Variants in FRMPD4 observed in about 807,000 individuals in gnomAD.
FRMPD4 encodes FERM and PDZ domain-containing protein 4.
A neutral mutation model predicts 94.1 loss-of-function variants in FRMPD4; 22 were observed. That is an observed-to-expected ratio of 0.23 (90% CI 0.17 to 0.33). The LOEUF is 0.33. Among genes scored for constraint, FRMPD4 ranks in the 10% least tolerant of loss-of-function variants. The pLI, the probability that FRMPD4 is intolerant of heterozygous loss-of-function variation, is 1.00. For missense variants in FRMPD4, 1,111 were observed against 1,339.9 expected, an observed-to-expected ratio of 0.83 and a Z score of 2.67; for synonymous variants, 631 against 548.6, an observed-to-expected ratio of 1.15 and a Z score of -2.10.
chrX:12,661,205 G>A (rs1032905309), intron 4 of FRMPD4, among the ~76,000 whole-genome samples: 2 of 112,331 alleles, frequency 1.8e-5, no homozygotes, highest in African/African-American at 6.5e-5. Flanking sequence ...ATATTAGAAG[G>A]TGTGTTACTT....
intron 2 of FRMPD4, among the ~76,000 whole-genome samples, chrX:12,544,268 G>C (rs1375476120): frequency 9.0e-6 from 1 of 110,885 alleles, no homozygotes; most frequent in Admixed American, 9.6e-5. Context: ...AAAAATTATG[G>C]TGCAACAAAA....
intron 1 of FRMPD4, among the ~76,000 whole-genome samples, chrX:12,158,032 A>G (rs1179071284): frequency 8.9e-6 from 1 of 112,201 alleles, no homozygotes; most frequent in Non-Finnish European, 1.9e-5. Context: ...AAGGAGGGGG[A>G]AAAAGGAAAC....
chrX:12,303,535 G>T (rs2054891554), intron 1 of FRMPD4, among the ~76,000 whole-genome samples: 3 of 111,757 alleles, frequency 2.7e-5, no homozygotes, highest in African/African-American at 9.7e-5. Context: ...TAGTATATTT[G>T]ATGACTATGA....
At chrX:12,010,947 A>G (rs2147414198) in intron 3 of FRMPD4, among the ~76,000 whole-genome samples, 1 of 112,219 alleles carries the variant, frequency 8.9e-6, no homozygotes, top group South Asian at 3.7e-4. Flanking sequence ...TATTTGAGAA[A>G]GAGCAAGCAA....
intron 2 of FRMPD4, among the ~76,000 whole-genome samples, chrX:12,546,838 A>T (rs1253790834): frequency 9.2e-6 from 1 of 108,309 alleles, no homozygotes; most frequent in Non-Finnish European, 1.9e-5. Flanking sequence ...CCTGGCACTG[A>T]CCGTGTCCTC....
chrX:12,000,703 G>T (rs750716082), intron 3 of FRMPD4, among the ~76,000 whole-genome samples: 1 of 111,336 alleles, frequency 9.0e-6, no homozygotes, highest in African/African-American at 3.3e-5. Context: ...CACCCCAGAA[G>T]GTCTTTCCAA....
chrX:12,193,367 A>C (rs1041562196), intron 1 of FRMPD4, among the ~76,000 whole-genome samples: 1 of 110,932 alleles, frequency 9.0e-6, no homozygotes, highest in African/African-American at 3.3e-5. Context: ...AAATATTATA[A>C]AATATTCATT....
chrX:12,355,278 T>C (rs752438394), intron 1 of FRMPD4, among the ~76,000 whole-genome samples: 5 of 110,126 alleles, frequency 4.5e-5, no homozygotes, highest in Non-Finnish European at 9.5e-5. Flanking sequence ...TGGGCTCAAG[T>C]GATCTTCCCA....
intron 1 of FRMPD4, among the ~76,000 whole-genome samples, chrX:12,276,378 A>G (rs1343467243): frequency 2.7e-5 from 3 of 112,375 alleles, no homozygotes; most frequent in East Asian, 2.8e-4. Context: ...TAAGGCATCA[A>G]TCAATACATG....
chrX:12,091,268 C>G (rs1370488139), intron 3 of FRMPD4, among the ~76,000 whole-genome samples: 1 of 108,446 alleles, frequency 9.2e-6, no homozygotes, highest in Non-Finnish European at 1.9e-5. Context: ...TAAAAAAAAG[C>G]AGTCTGCCTC....
intron 1 of FRMPD4, among the ~76,000 whole-genome samples, chrX:12,364,211 G>A (rs1186030572): frequency 9.0e-6 from 1 of 111,362 alleles, no homozygotes; most frequent in Non-Finnish European, 1.9e-5. Flanking sequence ...AAGGCCAACA[G>A]ATCAGGAGAT....
chrX:12,453,887 G>C (rs368441835), intron 1 of FRMPD4, among the ~76,000 whole-genome samples: 8 of 111,783 alleles, frequency 7.2e-5, no homozygotes, highest in African/African-American at 2.6e-4. Context: ...CTCCTCAATC[G>C]AACATATTAA....
At chrX:12,575,900 C>G (rs2058807651) in intron 2 of FRMPD4, among the ~76,000 whole-genome samples, 1 of 112,118 alleles carries the variant, frequency 8.9e-6, no homozygotes, top group Non-Finnish European at 1.9e-5. Context: ...AGGAACCAGC[C>G]CTGCCAACAC....
In FRMPD4 at chrX:12,157,997, G is replaced by A. The variant is rs1477320857; in HGVS notation, c.41+18985G>A. 1.8e-5 allele frequency among the ~76,000 whole-genome samples: 2 copies of A among 112,056 alleles called. 1 individual carries two copies. The highest frequency in any genetic ancestry group is 3.8e-5 in the Non-Finnish European group (2 of 53,201). ...ACTTGCTCATGTGTGTGTAGACAGA[G>A]AATGGGGAAATAAAAATCAGAAGAA... On this transcript the variant is annotated intron_variant, in intron 1 of 16. Transcript: ENST00000675598.
intron 3 of FRMPD4, among the ~76,000 whole-genome samples, chrX:11,897,237 A>G (rs1273828734): frequency 9.0e-6 from 1 of 111,016 alleles, no homozygotes; most frequent in Non-Finnish European, 1.9e-5. Context: ...TTCCATTTAC[A>G]TGAAATTCTG....
chrX:12,272,543 T>G (rs764060538), intron 1 of FRMPD4, among the ~76,000 whole-genome samples: 3 of 111,681 alleles, frequency 2.7e-5, no homozygotes, highest in African/African-American at 9.8e-5. Context: ...GGGCCTAGGA[T>G]GAATTGTAGA....
chrX:12,261,797 A>G (rs1178690478), intron 1 of FRMPD4, among the ~76,000 whole-genome samples: 1 of 112,108 alleles, frequency 8.9e-6, no homozygotes, highest in Non-Finnish European at 1.9e-5. Flanking sequence ...AGACATTCCC[A>G]TTATTTTTTC....
intron 2 of FRMPD4, among the ~76,000 whole-genome samples, chrX:12,540,806 C>A (rs2058400854): frequency 1.8e-5 from 2 of 111,828 alleles, no homozygotes; most frequent in African/African-American, 3.3e-5. Context: ...AGCACCACAC[C>A]ACACCTATTC....
intron 4 of FRMPD4, among the ~76,000 whole-genome samples, chrX:12,670,610 C>T (rs754517997): frequency 6.2e-5 from 7 of 112,063 alleles, no homozygotes; most frequent in Non-Finnish European, 9.4e-5. Flanking sequence ...AAGACTTAAA[C>T]GTAAGACCTA....
Sources: gnomAD v4.1 joint callset for allele counts (sites outside exome capture counted in the v4.1 genomes callset) on GRCh38, gnomAD v4.1.1 for gene constraint, MANE v1.5 for transcripts, NCBI Gene and HGNC (gene_info 2026-07-23, HGNC 2026-07-21) for gene names.